Variants in IGSF21 observed in about 807,000 individuals in gnomAD.
The protein encoded by IGSF21 is immunoglobulin superfamily member 21.
A neutral mutation model predicts 46.8 loss-of-function variants in IGSF21; 28 were observed. That is an observed-to-expected ratio of 0.60 (90% CI 0.44 to 0.82). IGSF21 has a LOEUF of 0.82. Ranked by LOEUF, IGSF21 falls within the 40% of genes least tolerant of loss-of-function variation. IGSF21 has a pLI of 0.00. For missense variants in IGSF21, 624 were observed against 665.5 expected (o/e 0.94, Z 0.69); for synonymous variants, 284 against 273.6 (o/e 1.04, Z -0.38).
At position 18,108,178 on chromosome 1, in the gene IGSF21, C is replaced by G; in HGVS notation, c.50C>G (p.Ala17Gly). Reference protein sequence around the residue: ...LRRCVCLLLAAILDLARGYLT... With the variant: ...LRRCVCLLLAGILDLARGYLT... ...CGCTGCGTCTGCCTGCTGCTCGCCG[C>G]GATCCTGGACCTGGCGCGCGGTGAG... Residue 17 changes from alanine (A) to glycine (G), a missense_variant, in exon 1 of 10, where the codon GCG becomes GGG. Ala to Gly is a moderately conservative substitution (Grantham distance 60). Coordinates refer to ENST00000251296, the MANE Select transcript of IGSF21 (RefSeq NM_032880.5). 1 of 1,441,930 alleles carries G rather than the reference C, an allele frequency of 6.9e-7. No homozygotes were observed. 89.3% of individuals were successfully genotyped at this position (1,441,930 alleles called of 1,614,324 possible).
chr1:18,343,048 C>G (rs1557652819), intron 4 of IGSF21, among the ~76,000 whole-genome samples: 2 of 152,200 alleles, frequency 1.3e-5, no homozygotes. Flanking sequence ...GTGTTATATT[C>G]CCACCAACTG....
chr1:18,363,021 T>C (rs1184823637), intron 5 of IGSF21, among the ~76,000 whole-genome samples: 1 of 152,136 alleles, frequency 6.6e-6, no homozygotes, highest in African/African-American at 2.4e-5. Flanking sequence ...GAGGACCCTT[T>C]TGGTCTAAAT....
chr1:18,174,691 A>AGGC (rs2086778208), intron 1 of IGSF21, among the ~76,000 whole-genome samples: 1 of 152,206 alleles, frequency 6.6e-6, no homozygotes, highest in Non-Finnish European at 1.5e-5. Flanking sequence ...CCCCCAGGGA[A>AGGC]GGATAACTCT....
intron 1 of IGSF21, among the ~76,000 whole-genome samples, chr1:18,135,566 C>T (rs1291043320): frequency 6.6e-6 from 1 of 152,112 alleles, no homozygotes; most frequent in Non-Finnish European, 1.5e-5. Context: ...CCAGCTTCAT[C>T]CATGTCCCTA....
intron 4 of IGSF21, among the ~76,000 whole-genome samples, chr1:18,354,843 CTTT>C (rs1349044272): frequency 2.5e-5 from 2 of 80,590 alleles, no homozygotes; most frequent in Non-Finnish European, 5.3e-5. Flanking sequence ...ATAATTAAAG[CTTT>C]CCTGTTTGCT....
At chr1:18,277,439 C>A (rs1376915363) in intron 2 of IGSF21, among the ~76,000 whole-genome samples, 6 of 152,236 alleles carry the variant, frequency 3.9e-5, no homozygotes, top group Non-Finnish European at 5.9e-5. Context: ...TCACTCACCT[C>A]TGTGTCTAGC....
chr1:18,135,800 T>TCCCTGA (rs2086363031), intron 1 of IGSF21, among the ~76,000 whole-genome samples: 1 of 152,228 alleles, frequency 6.6e-6, no homozygotes, highest in African/African-American at 2.4e-5. Flanking sequence ...CTGGGTCAAA[T>TCCCTGA]GGCATTTCTA....
intron 2 of IGSF21, among the ~76,000 whole-genome samples, chr1:18,273,641 G>A (rs2085073179): frequency 6.6e-6 from 1 of 150,450 alleles, no homozygotes; most frequent in Non-Finnish European, 1.5e-5. Flanking sequence ...TGTTGTTGCT[G>A]TAATAACACC....
intron 1 of IGSF21, among the ~76,000 whole-genome samples, chr1:18,143,096 A>G: frequency 6.6e-6 from 1 of 152,208 alleles, no homozygotes; most frequent in South Asian, 2.1e-4. Flanking sequence ...TAGTAACAGC[A>G]GATGTCTGCG....
chr1:18,339,601 T>C lies in IGSF21; in HGVS notation c.424+4591T>C, dbSNP rs572529280. ...TAGCTGGGCTGTGGTGGTATGTGCCTGTAGTCCCAGCTACTCAGGAGGCTG... is the reference window on the plus strand; with the variant it reads ...TAGCTGGGCTGTGGTGGTATGTGCCCGTAGTCCCAGCTACTCAGGAGGCTG... On this transcript the variant is annotated intron_variant, in intron 4 of 9. Transcript: ENST00000251296. 2.6e-4 allele frequency among the ~76,000 whole-genome samples: 40 copies of C among 152,290 alleles called. No individual in the cohort carries two copies. In the South Asian group the frequency reaches 8.3e-3, roughly 32 times the overall value.
chr1:18,250,453 C>T (rs985389309), intron 2 of IGSF21, among the ~76,000 whole-genome samples: 4 of 152,178 alleles, frequency 2.6e-5, no homozygotes, highest in Non-Finnish European at 4.4e-5. Context: ...CTCACTCAGC[C>T]GTGTGTTCAC....
chr1:18,268,600 G>A lies in IGSF21; in HGVS notation c.184-23266G>A, dbSNP rs571799868. Among the ~76,000 whole-genome samples the A allele has an allele frequency of 7.0e-4, 106 of 152,320 alleles. 1 individual carries two copies. In the South Asian group the frequency reaches 0.022, roughly 31 times the overall value. ...GTGCGCGGTGAAACCTGCAGCTGTG[G>A]TTTGCCTCATCTCTCCTCCGGCCCT... On this transcript the variant is annotated intron_variant, in intron 2 of 9. Transcript: ENST00000251296.
At chr1:18,283,020 C>A (rs537120706) in intron 2 of IGSF21, among the ~76,000 whole-genome samples, 1 of 152,200 alleles carries the variant, frequency 6.6e-6, no homozygotes, top group African/African-American at 2.4e-5. Flanking sequence ...GGCTCACCCA[C>A]GCAGGATGGG....
In IGSF21 at chr1:18,356,854, AGAGATGGGGGAG is replaced by A. The variant is rs1323341243; in HGVS notation, c.425-5253_425-5242del. Among the ~76,000 whole-genome samples, 7 of 152,206 alleles carry A rather than the reference AGAGATGGGGGAG, an allele frequency of 4.6e-5. No homozygotes were observed. In the East Asian group the frequency reaches 1.4e-3, roughly 30 times the overall value. On this transcript the variant is annotated intron_variant, in intron 4 of 9. Coordinates refer to ENST00000251296, the MANE Select transcript of IGSF21 (RefSeq NM_032880.5). Reference sequence around the variant, plus strand: ...GTGGTGATAGGAATGGAGGTGGGATAGAGATGGGGGAGGAGATGGAGTTGAAGTTGGTCGTGA... The same window carrying A: ...GTGGTGATAGGAATGGAGGTGGGATAGAGATGGAGTTGAAGTTGGTCGTGA...
At chr1:18,174,306 A>G (rs1378589556) in intron 1 of IGSF21, among the ~76,000 whole-genome samples, 1 of 152,116 alleles carries the variant, frequency 6.6e-6, no homozygotes. Context: ...TGTTCCCCGA[A>G]TCCGAGCAGC....
At chr1:18,277,242 A>C (rs1190221501) in intron 2 of IGSF21, among the ~76,000 whole-genome samples, 1 of 152,188 alleles carries the variant, frequency 6.6e-6, no homozygotes, top group Non-Finnish European at 1.5e-5. Flanking sequence ...CGATCACTCC[A>C]TCACTCTGGC....
At chr1:18,159,115 A>T (rs1364815486) in intron 1 of IGSF21, among the ~76,000 whole-genome samples, 1 of 152,150 alleles carries the variant, frequency 6.6e-6, no homozygotes, top group Non-Finnish European at 1.5e-5. Context: ...CACTGTACCC[A>T]TTAGACTATG....
At chr1:18,156,810 G>C (rs903177557) in intron 1 of IGSF21, among the ~76,000 whole-genome samples, 2 of 152,200 alleles carry the variant, frequency 1.3e-5, no homozygotes, top group African/African-American at 2.4e-5. Context: ...CTGGAAGTGA[G>C]AGCGGACAGT....
intron 1 of IGSF21, among the ~76,000 whole-genome samples, chr1:18,190,916 G>T (rs1427789687): frequency 6.6e-6 from 1 of 152,154 alleles, no homozygotes; most frequent in East Asian, 1.9e-4. Flanking sequence ...TCTGGAAAAG[G>T]CTCGGGTGGG....
Sources: allele counts gnomAD v4.1 joint callset (sites outside exome capture counted in the v4.1 genomes callset), GRCh38; gene constraint gnomAD v4.1.1; transcripts MANE v1.5; gene names NCBI Gene and HGNC (gene_info 2026-07-23, HGNC 2026-07-21).